RAP1GAP2: variants seen among roughly 807,000 people sequenced by gnomAD.
RAP1GAP2 encodes RAP1 GTPase activating protein 2, also known as rap1 GTPase-activating protein 2.
A neutral mutation model predicts 95.0 loss-of-function variants in RAP1GAP2; 27 were observed. The observed-to-expected ratio is 0.28, with a 90% CI of 0.21 to 0.39. The LOEUF is 0.39. RAP1GAP2 is among the 10% of genes least tolerant of loss of function. The probability of loss-of-function intolerance (pLI) is 1.00; values close to 1 mark genes in which losing one functional copy is unlikely to be tolerated. For synonymous variants in RAP1GAP2, 373 were observed against 380.9 expected, an observed-to-expected ratio of 0.98 and a Z score of 0.24; for missense variants, 771 against 970.0, an observed-to-expected ratio of 0.79 and a Z score of 2.72.
At chr17:2,804,391 GGAGACT>G (rs1567662937) in intron 2 of RAP1GAP2, among the ~76,000 whole-genome samples, 1 of 152,238 alleles carries the variant, frequency 6.6e-6, no homozygotes, top group Non-Finnish European at 1.5e-5. Context: ...ATAAGAAAGT[GGAGACT>G]GAGAGAGTTT....
chr17:3,012,605 C>CAA (rs71377567), intron 17 of RAP1GAP2, among the ~76,000 whole-genome samples: 4 of 69,704 alleles, frequency 5.7e-5, no homozygotes, highest in East Asian at 9.8e-4. Context: ...GACTGTGTCT[C>CAA]AAAAAAAAAA....
At position 3,008,258 on chromosome 17, in the gene RAP1GAP2, G is replaced by A; in HGVS notation, c.1494+113G>A. 6.7e-7 allele frequency: 1 copy of A among 1,484,140 alleles called. No individual in the cohort carries two copies. Among genetic ancestry groups the A allele is most frequent in the Non-Finnish European group, 9.2e-7 (1 of 1,091,140 alleles). The allele number at this position is 1,484,140 out of a possible 1,614,324, so 91.9% of individuals were successfully genotyped here. A position where few individuals can be genotyped will look rare whatever the true frequency, so the allele number is the denominator to read the frequency against. ...CAGAGCCCAAGGGCCAGCTGGAGGG[G>A]TGACAGGAAACGTATGGGTATCCTA... On this transcript the variant is annotated intron_variant, in intron 17 of 24. Coordinates refer to ENST00000254695, the MANE Select transcript of RAP1GAP2 (RefSeq NM_015085.5). The surrounding 1 kb of genome is among the most constrained non-coding windows in gnomAD (Gnocchi z 4.2).
chr17:2,790,109 C>G (rs1156798689), intron 1 of RAP1GAP2, among the ~76,000 whole-genome samples: 2 of 150,964 alleles, frequency 1.3e-5, no homozygotes, highest in Non-Finnish European at 2.9e-5. Context: ...TCTCCATCAT[C>G]CTTTTTTTTT....
rs559362186 is a variant in RAP1GAP2, at chr17:2,870,161, G to A, written c.81-35123G>A. Among the ~76,000 whole-genome samples the A allele has an allele frequency of 2.7e-5, 4 of 149,858 alleles. No homozygotes were observed. The East Asian group carries it at 7.8e-4, about 29-fold the overall frequency. The stretch of plus-strand genomic sequence containing the variant: ...GAGATGGAGTCTCGCACTGTCACCC[G>A]GGCTGGAATGCAATGGTGCAATCTC... On this transcript the variant is annotated intron_variant, in intron 2 of 24. Transcript: ENST00000254695. The surrounding 1 kb of genome is among the most constrained non-coding windows in gnomAD (Gnocchi z 4.4).
At position 2,883,644 on chromosome 17, in the gene RAP1GAP2, C is replaced by T. The variant is rs186576101; in HGVS notation, c.81-21640C>T. Among the ~76,000 whole-genome samples the T allele has an allele frequency of 8.4e-4, 128 of 152,312 alleles. 2 individuals carry two copies. The South Asian group carries it at 0.011, about 13-fold the overall frequency. On this transcript the variant is annotated intron_variant, in intron 2 of 24. Transcript: ENST00000254695. ...AAACAAACACACTTTAAAAATGTCA[C>T]TTGTCTCTTCTATCTGCGGCCTAGA...
intron 2 of RAP1GAP2, among the ~76,000 whole-genome samples, chr17:2,814,898 C>T (rs1008707320): frequency 5.9e-5 from 9 of 152,142 alleles, no homozygotes; most frequent in Non-Finnish European, 1.3e-4. Flanking sequence ...TGCTTTGCCA[C>T]CAGCAGACGC....
upstream of RAP1GAP2, among the ~76,000 whole-genome samples, chr17:2,772,257 G>C (rs984453842): frequency 6.6e-6 from 1 of 152,030 alleles, no homozygotes; most frequent in African/African-American, 2.4e-5. Context: ...CAAAGTACTG[G>C]GATTACAGGT....
chr17:3,002,245 A>T (rs1167834332), intron 14 of RAP1GAP2, among the ~76,000 whole-genome samples: 1 of 152,108 alleles, frequency 6.6e-6, no homozygotes, highest in Non-Finnish European at 1.5e-5. Flanking sequence ...ACAGGCGTGA[A>T]CCATCATGCC....
chr17:2,777,341 C>G (rs965134501), intron 1 of RAP1GAP2: 11 of 152,226 alleles, frequency 7.2e-5, no homozygotes, highest in Admixed American at 2.6e-4. Flanking sequence ...GACCCTGGAG[C>G]TAGGCTGGGC....
chr17:2,881,890 G>A (rs1298288657), intron 2 of RAP1GAP2, among the ~76,000 whole-genome samples: 5 of 151,700 alleles, frequency 3.3e-5, no homozygotes, highest in African/African-American at 1.2e-4. Context: ...GCGCAATCTC[G>A]GCTCACTGCA....
intron 3 of RAP1GAP2, among the ~76,000 whole-genome samples, chr17:2,945,093 C>T (rs895338701): frequency 1.3e-5 from 2 of 151,920 alleles, no homozygotes; most frequent in South Asian, 2.1e-4. Flanking sequence ...GCCAGGATGG[C>T]CTCGATCTCC....
At chr17:2,939,008 A>C (rs1245545857) in intron 3 of RAP1GAP2, among the ~76,000 whole-genome samples, 3 of 152,184 alleles carry the variant, frequency 2.0e-5, no homozygotes, top group South Asian at 2.1e-4. Flanking sequence ...CAAAACAAAA[A>C]AAATGCTTCA....
intron 2 of RAP1GAP2, among the ~76,000 whole-genome samples, chr17:2,812,851 G>A (rs754856843): frequency 6.6e-6 from 1 of 151,760 alleles, no homozygotes; most frequent in East Asian, 2.0e-4. Flanking sequence ...CTAGCCAGGC[G>A]TGGTGGTGGT....
At position 2,931,280 on chromosome 17, in the gene RAP1GAP2, T is replaced by TTGTGTGTGTGTGTGTGTG. The variant is rs34690298; in HGVS notation, c.165+25928_165+25945dup. Among the ~76,000 whole-genome samples the TTGTGTGTGTGTGTGTGTG allele has an allele frequency of 1.5e-3, 226 of 146,746 alleles. 1 individual carries two copies. Among genetic ancestry groups the TTGTGTGTGTGTGTGTGTG allele is most frequent in the African/African-American group, 5.2e-3 (201 of 38,854 alleles). On this transcript the variant is annotated intron_variant, in intron 3 of 24. Transcript: ENST00000254695. ...TATGTTTGCCATGAGTGAGTGTTTC[T>TTGTGTGTGTGTGTGTGTG]TGTGTGTGTGTGTGTGTGTGTGTGT...
chr17:2,832,597 A>G (rs1368401876), intron 2 of RAP1GAP2, among the ~76,000 whole-genome samples: 1 of 148,850 alleles, frequency 6.7e-6, no homozygotes, highest in Non-Finnish European at 1.5e-5. Flanking sequence ...TCCTATGGCC[A>G]GCAGTGACAT....
chr17:2,963,496 C>A lies in RAP1GAP2; in HGVS notation c.279+34C>A. Reference sequence around the variant, plus strand: ...CCTCCCCTCACTCCCACCTGCCCTGCAGCCTGCTCTGGGTCCCGTCCCTGG... The same window carrying A: ...CCTCCCCTCACTCCCACCTGCCCTGAAGCCTGCTCTGGGTCCCGTCCCTGG... On this transcript the variant is annotated intron_variant, in intron 6 of 24. Transcript: ENST00000254695. This position sits in a 1 kb window ranked among gnomAD's most constrained non-coding sequence, Gnocchi z 4.8. 1.9e-6 allele frequency: 3 copies of A among 1,613,320 alleles called. No individual in the cohort carries two copies. The highest frequency in any genetic ancestry group is 2.5e-6 in the Non-Finnish European group (3 of 1,179,364).
chr17:2,965,318 C>G lies in RAP1GAP2; in HGVS notation c.493-222C>G. The G allele has an allele frequency of 1.8e-6, 1 of 566,606 alleles. No individual in the cohort carries two copies. The highest frequency in any genetic ancestry group is 2.1e-5 in the South Asian group (1 of 48,186). 35.1% of individuals were successfully genotyped at this position (566,606 alleles called of 1,614,324 possible). On this transcript the variant is annotated intron_variant, in intron 7 of 24. Transcript: ENST00000254695. The surrounding 1 kb of genome is among the most constrained non-coding windows in gnomAD (Gnocchi z 4.7). ...GTTCTCTCCCGGATACAGCTGTGGT[C>G]AGGACTGAAGGAGATAGTGGGTATT...
At chr17:2,992,184 A>G (rs987789489) in intron 12 of RAP1GAP2, among the ~76,000 whole-genome samples, 6 of 136,462 alleles carry the variant, frequency 4.4e-5, no homozygotes, top group African/African-American at 1.6e-4. Flanking sequence ...TTTTTTTGAG[A>G]TGGAGTCATG....
rs1486087471 is a variant in RAP1GAP2, at chr17:2,866,311, G to A, written c.81-38973G>A. ...ACGTGGGAGATGAGGCTGTTAGGGC[G>A]GCCTGGGGCCATTTCGTGTTAGGTG... is the stretch of plus-strand genomic sequence containing the variant. On this transcript the variant is annotated intron_variant, in intron 2 of 24. Coordinates refer to ENST00000254695, the MANE Select transcript of RAP1GAP2 (RefSeq NM_015085.5). The surrounding 1 kb of genome is among the most constrained non-coding windows in gnomAD (Gnocchi z 4.0). 6.6e-6 allele frequency among the ~76,000 whole-genome samples: 1 copy of A among 152,228 alleles called. No homozygotes were observed. The highest frequency in any genetic ancestry group is 1.9e-4 in the East Asian group (1 of 5,186).
Sources: gnomAD v4.1 joint callset for allele counts (sites outside exome capture counted in the v4.1 genomes callset) on GRCh38, gnomAD v4.1.1 for gene constraint, Gnocchi (gnomAD v3.1) non-coding constraint, MANE v1.5 for transcripts, NCBI Gene and HGNC (gene_info 2026-07-23, HGNC 2026-07-21) for gene names.